The following ABCA6 variants were observed in gnomAD, a reference collection of about 807,000 sequenced individuals.
The protein encoded by ABCA6 is ATP binding cassette subfamily A member 6.
Under a neutral mutation model 191.2 loss-of-function variants are expected in ABCA6, and 164 were observed. The ratio of observed to expected loss-of-function variants is 0.86; its 90% CI spans 0.76 to 0.98. The LOEUF (loss-of-function observed/expected upper bound fraction) is 0.98. Among genes scored for constraint, ABCA6 ranks in the 50% least tolerant of loss-of-function variants. The pLI is 0.00. For missense variants in ABCA6, 1,958 were observed against 1,894.1 expected (o/e 1.03, Z -0.63); for synonymous variants, 636 against 647.7 (o/e 0.98, Z 0.27).
At chr17:69,086,183 T>C (rs1469454078) in intron 30 of ABCA6, among the ~76,000 whole-genome samples, 1 of 152,172 alleles carries the variant, frequency 6.6e-6, no homozygotes, top group Non-Finnish European at 1.5e-5. Flanking sequence ...CAATCTGTAA[T>C]CTTTTCAAAA....
intron 8 of ABCA6, among the ~76,000 whole-genome samples, chr17:69,125,680 G>C (rs1385522932): frequency 6.6e-6 from 1 of 152,044 alleles, no homozygotes; most frequent in Admixed American, 6.6e-5. Flanking sequence ...CTTAGGGCCA[G>C]TTCCTTACCC....
chr17:69,105,223 G>C (rs1386217224), intron 20 of ABCA6: 1 of 453,500 alleles, frequency 2.2e-6, no homozygotes, highest in African/African-American at 2.1e-5. Context: ...GTCAGGTAGA[G>C]AGACGTCTTT....
rs760791622 is a variant in ABCA6, at chr17:69,085,051, C to A, written c.4161G>T (p.Ala1387=). ...ACCTTGCGATGGCGAGCCTCGCGTC[C>A]GCTTTCCTGAGCCCCTTGACGGCAG... ...VYAAVKGLRK[A]DARLAIARLV... The change falls in exon 32 of 39, where the codon GCG becomes GCT. Residue 1387 remains alanine (A), a synonymous_variant. Transcript: ENST00000284425. The A allele has an allele frequency of 6.2e-7, 1 of 1,611,038 alleles. No homozygotes were observed. Among genetic ancestry groups the A allele is most frequent in the Admixed American group, 1.7e-5 (1 of 58,776 alleles).
At chr17:69,083,062 T>TTTAATGTTATTC in intron 35 of ABCA6, 49 bp from the exon 36 acceptor site, 1 of 1,600,682 alleles carries the variant, frequency 6.2e-7, no homozygotes, top group Non-Finnish European at 8.5e-7. Context: ...CCCTTAATTT[T>TTTAATGTTATTC]TTAATGTTAT....
At chr17:69,086,463 C>T (rs1177263331) in intron 30 of ABCA6, among the ~76,000 whole-genome samples, 155 bp downstream of exon 30, 1 of 140,058 alleles carries the variant, frequency 7.1e-6, no homozygotes, top group Non-Finnish European at 1.5e-5. Context: ...TTTCCAGAGT[C>T]TAAAACACTC....
intron 20 of ABCA6, chr17:69,105,093 A>T (rs2073266296): frequency 5.3e-6 from 1 of 190,206 alleles, no homozygotes; most frequent in Non-Finnish European, 1.1e-5. Flanking sequence ...CCATCTTCAC[A>T]TGGTAACCAG....
At chr17:69,081,210 A>T in intron 36 of ABCA6, 65 bp from the exon 37 acceptor site, 1 of 777,608 alleles carries the variant, frequency 1.3e-6, no homozygotes, top group Non-Finnish European at 2.1e-6. Flanking sequence ...CATCAGAATA[A>T]ATATTGATAT....
Position 69,083,107 on chromosome 17 carries a change from C to T in ABCA6, c.4476-94G>A, listed in dbSNP as rs1598438904. On this transcript the variant is annotated intron_variant, in intron 35 of 38. Transcript: ENST00000284425. ...TCAAATGTAGAAGAAAAGGTGTCACCAAGGAAGCCAAACGGAAGGGCTCCA... is the reference window on the plus strand; with the variant it reads ...TCAAATGTAGAAGAAAAGGTGTCACTAAGGAAGCCAAACGGAAGGGCTCCA... 2.5e-6 allele frequency: 4 copies of T among 1,574,742 alleles called. No individual in the cohort carries two copies. The East Asian group carries it at 6.7e-5, about 27-fold the overall frequency.
chr17:69,078,915 T>C lies in ABCA6; in HGVS notation c.*58A>G, dbSNP rs1379140802. On this transcript the variant is annotated 3_prime_UTR_variant, in exon 39 of 39. Coordinates refer to ENST00000284425, the MANE Select transcript of ABCA6 (RefSeq NM_080284.3). ...TCTTTAAAATTAAACATACTATTAA[T>C]TATTACATAAAACATGAGTTTATAG... 2.0e-6 allele frequency: 2 copies of C among 987,566 alleles called. No individual in the cohort carries two copies. The highest frequency in any genetic ancestry group is 3.0e-6 in the Non-Finnish European group (2 of 676,216). 61.2% of individuals were successfully genotyped at this position (987,566 alleles called of 1,614,324 possible). A position where few individuals can be genotyped will look rare whatever the true frequency, so the allele number is the denominator to read the frequency against.
Position 69,113,231 on chromosome 17 carries a change from T to G in ABCA6, c.2032A>C (p.Ile678Leu), listed in dbSNP as rs923792136. The change falls in exon 15 of 39, where the codon ATC becomes CTC. Residue 678 changes from isoleucine to leucine, a missense_variant. Coordinates refer to ENST00000284425, the MANE Select transcript of ABCA6 (RefSeq NM_080284.3). ...TAAAACCAACAATTACCAGCCAGGATGTCAGCCTCATCCATGGACTGGGTA... is the reference window on the plus strand; with the variant it reads ...TAAAACCAACAATTACCAGCCAGGAGGTCAGCCTCATCCATGGACTGGGTA... ...FSTQSMDEAD[I>L]LADRKVIMSN... The G allele has an allele frequency of 1.9e-6, 3 of 1,602,884 alleles. No homozygotes were observed. The highest frequency in any genetic ancestry group is 1.7e-4 in the Middle Eastern group (1 of 6,018).
In ABCA6 at chr17:69,105,468, T is replaced by C. The variant is rs1232204858; in HGVS notation, c.2734A>G (p.Asn912Asp). ...ATTTTATTTTTCTTTTCACCTGTGT[T>C]ATTGATGATCAACAGGCTGGTACGG... ...EPRTSLLIIN[N>D]TESNIEDFIK... is the part of the protein sequence containing the mutation. Residue 912 changes from asparagine to aspartate, a missense_variant, in exon 20 of 39, where the codon AAC (asparagine) becomes GAC (aspartate). Asn to Asp is a conservative substitution (Grantham distance 23). Transcript: ENST00000284425. 2 of 1,605,910 alleles carry C rather than the reference T, an allele frequency of 1.2e-6. No homozygotes were observed. The highest frequency in any genetic ancestry group is 3.4e-5 in the Admixed American group (2 of 58,308).
In ABCA6 at chr17:69,107,819, CA is replaced by C. The variant is rs771536749; in HGVS notation, c.2273-8del. On this transcript the variant is annotated splice_region_variant and splice_polypyrimidine_tract_variant and intron_variant, in intron 17 of 38. Coordinates refer to ENST00000284425, the MANE Select transcript of ABCA6 (RefSeq NM_080284.3). ...TCCAGATCACTGAAAAGATCTAAGG[CA>C]AAAAAATATGAATAGATACTTTGGA... 6.5e-6 allele frequency: 10 copies of C among 1,537,086 alleles called. No homozygotes were observed. Among genetic ancestry groups the C allele is most frequent in the East Asian group, 4.5e-5 (2 of 44,288 alleles).
intron 21 of ABCA6, 55 bp downstream of exon 21, chr17:69,102,780 C>T: frequency 6.6e-7 from 1 of 1,506,388 alleles, no homozygotes; most frequent in Non-Finnish European, 8.9e-7. Context: ...AGTTTTAAAA[C>T]AGCTAAAATG....
intron 14 of ABCA6, 59 bp from the exon 15 acceptor site, chr17:69,113,419 G>T (rs1057121362): frequency 1.3e-6 from 2 of 1,545,586 alleles, no homozygotes; most frequent in African/African-American, 2.8e-5. Flanking sequence ...GTATCCAGAA[G>T]ATAGCATGAA....
intron 6 of ABCA6, among the ~76,000 whole-genome samples, chr17:69,130,649 T>C (rs374513657): frequency 9.2e-5 from 14 of 152,222 alleles, no homozygotes; most frequent in African/African-American, 3.1e-4. Flanking sequence ...TTGAGAAAAA[T>C]GTACAAGAGT....
chr17:69,113,514 T>C, intron 14 of ABCA6, 104 bp downstream of exon 14: 1 of 1,575,840 alleles, frequency 6.3e-7, no homozygotes, highest in Non-Finnish European at 8.6e-7. Context: ...GCAGGTTCTC[T>C]CTTGATGCAT....
intron 25 of ABCA6, among the ~76,000 whole-genome samples, chr17:69,091,931 A>G (rs1295956208): frequency 1.3e-5 from 2 of 151,966 alleles, no homozygotes; most frequent in Admixed American, 6.5e-5. Context: ...AAAAACCTGT[A>G]TATGTTGAAA....
intron 24 of ABCA6, 136 bp downstream of exon 24, chr17:69,096,492 T>G: frequency 1.2e-6 from 1 of 805,300 alleles, no homozygotes; most frequent in Non-Finnish European, 1.8e-6. Context: ...GTATTTATCA[T>G]ACATGCACTT....
At chr17:69,105,210 G>A (rs1251313509) in intron 20 of ABCA6, 1 of 421,922 alleles carries the variant, frequency 2.4e-6, no homozygotes, top group Non-Finnish European at 4.2e-6. Context: ...ATAGCTTAGG[G>A]TAGTCAGGTA....
Sources: gnomAD v4.1 joint callset for allele counts (sites outside exome capture counted in the v4.1 genomes callset) on GRCh38, gnomAD v4.1.1 for gene constraint, MANE v1.5 for transcripts, NCBI Gene and HGNC (gene_info 2026-07-23, HGNC 2026-07-21) for gene names.